Variants in AGL observed in about 807,000 individuals in gnomAD.
AGL encodes glycogen debranching enzyme.
A neutral mutation model predicts 199.3 loss-of-function variants in AGL; 128 were observed. The ratio of observed to expected loss-of-function variants is 0.64; its 90% confidence interval spans 0.56 to 0.74. The LOEUF is 0.74. Among genes scored for constraint, AGL ranks in the 30% least tolerant of loss-of-function variants. The pLI is 0.00. For synonymous variants in AGL, 584 were observed against 594.7 expected (o/e 0.98, Z 0.26); for missense variants, 1,809 against 1,820.8 (o/e 0.99, Z 0.12).
chr1:99,870,584 C>A lies in AGL; in HGVS notation c.846+3C>A, dbSNP rs1650907346. On this transcript the variant is annotated splice_donor_region_variant and intron_variant, in intron 6 of 33. Transcript: ENST00000361915. ...TTGAAAATGATCACCATATGAATGT[C>A]AGTATGTACAGAGGAGTATCACACT... 3.7e-6 allele frequency: 6 copies of A among 1,613,810 alleles called. No individual in the cohort carries two copies. The East Asian group carries it at 1.3e-4, about 36-fold the overall frequency.
intron 26 of AGL, 96 bp from the exon 27 acceptor site, chr1:99,902,587 A>G: frequency 3.0e-6 from 3 of 999,294 alleles, no homozygotes; most frequent in East Asian, 2.5e-5. Flanking sequence ...TTCAAAGGAA[A>G]GTATATATTT....
chr1:99,897,278 A>C (rs2100806846), intron 25 of AGL, among the ~76,000 whole-genome samples: 1 of 152,208 alleles, frequency 6.6e-6, no homozygotes, highest in South Asian at 2.1e-4. Flanking sequence ...CCTATGCCAA[A>C]CCTCCCAAAT....
At chr1:99,866,742 A>G (rs1650542230) in intron 5 of AGL, among the ~76,000 whole-genome samples, 1 of 152,228 alleles carries the variant, frequency 6.6e-6, no homozygotes, top group African/African-American at 2.4e-5. Flanking sequence ...AAACCTTGCC[A>G]CAGCCTTACT....
At chr1:99,908,620 C>A (rs1040947323) in intron 27 of AGL, among the ~76,000 whole-genome samples, 1 of 152,174 alleles carries the variant, frequency 6.6e-6, no homozygotes, top group Non-Finnish European at 1.5e-5. Flanking sequence ...ATCTGAGTCA[C>A]CTCAGTGTTG....
intron 12 of AGL, among the ~76,000 whole-genome samples, chr1:99,879,215 AG>A (rs1158262260): frequency 6.6e-6 from 1 of 152,236 alleles, no homozygotes; most frequent in African/African-American, 2.4e-5. Flanking sequence ...CCAACAGCTA[AG>A]TAATTCACCA....
chr1:99,893,600 T>C (rs116498753), intron 24 of AGL, among the ~76,000 whole-genome samples: 1,892 of 152,314 alleles, frequency 0.012, 47 homozygotes, highest in African/African-American at 0.043. Context: ...ACCTTTTTGA[T>C]TGTGTACTGC....
chr1:99,857,847 A>AGAGGGAGACCGGGGGGGGGGGGGGGGGGG (rs1557743553), intron 2 of AGL, among the ~76,000 whole-genome samples: 2 of 8,224 alleles, frequency 2.4e-4, no homozygotes, highest in Non-Finnish European at 2.4e-4. Context: ...GGGGAGGGGG[A>AGAGGGAGACCGGGGGGGGGGGGGGGGGGG]GGGGGGAAGA....
Position 99,922,575 on chromosome 1 carries a change from A to G in AGL, c.*924A>G, listed in dbSNP as rs1378203195. Reference sequence around the variant, plus strand: ...AAAAATATGGATATGAATTCAGTAGATATCTTAAATTCAATAAAATCACTG... The same window carrying G: ...AAAAATATGGATATGAATTCAGTAGGTATCTTAAATTCAATAAAATCACTG... On this transcript the variant is annotated 3_prime_UTR_variant, in exon 34 of 34. Transcript: ENST00000361915. 1 of 151,822 alleles carries G rather than the reference A, an allele frequency of 6.6e-6. No homozygotes were observed. The highest frequency in any genetic ancestry group is 1.5e-5 in the Non-Finnish European group (1 of 67,814). 9.4% of individuals were successfully genotyped at this position (151,822 alleles called of 1,614,324 possible). A position where few individuals can be genotyped will look rare whatever the true frequency, so the allele number is the denominator to read the frequency against.
intron 2 of AGL, among the ~76,000 whole-genome samples, chr1:99,855,106 C>T (rs2101063413): frequency 1.3e-5 from 2 of 152,098 alleles, no homozygotes; most frequent in South Asian, 2.1e-4. Context: ...GAGGCTGAGG[C>T]AGGAGAATTG....
intron 2 of AGL, chr1:99,861,288 A>G: frequency 5.0e-6 from 7 of 1,408,564 alleles, no homozygotes; most frequent in South Asian, 3.0e-5. Context: ...GACATTACAG[A>G]GCAGACAGCT....
intron 25 of AGL, among the ~76,000 whole-genome samples, chr1:99,896,990 T>C (rs557722554): frequency 1.3e-5 from 2 of 152,272 alleles, no homozygotes; most frequent in Non-Finnish European, 2.9e-5. Flanking sequence ...CTAATTTTTG[T>C]ATTTCTAGTA....
intron 20 of AGL, among the ~76,000 whole-genome samples, chr1:99,885,517 C>T (rs917970535): frequency 2.0e-5 from 3 of 152,118 alleles, no homozygotes; most frequent in Non-Finnish European, 4.4e-5. Context: ...AGGAACCAGG[C>T]CGCACAGCAG....
In AGL at chr1:99,874,677, T is replaced by C; in HGVS notation, c.959-10T>C. 1 of 1,608,150 alleles carries C rather than the reference T, an allele frequency of 6.2e-7. No homozygotes were observed. The highest frequency in any genetic ancestry group is 1.7e-5 in the Admixed American group (1 of 59,914). On this transcript the variant is annotated splice_polypyrimidine_tract_variant and intron_variant, in intron 7 of 33. Coordinates refer to ENST00000361915, the MANE Select transcript of AGL (RefSeq NM_000642.3). ...TTTGCATTTAAGGTATCGTCTTTTC[T>C]TTCTTTTAGAAAATAGGCGAGTAAC...
At chr1:99,898,029 G>C (rs373540216) in intron 25 of AGL, among the ~76,000 whole-genome samples, 1 of 151,608 alleles carries the variant, frequency 6.6e-6, no homozygotes, top group Non-Finnish European at 1.5e-5. Context: ...TATGGCCTAT[G>C]AGCAAAGAAT....
Position 99,902,889 on chromosome 1 carries a change from C to A in AGL, c.3700+95C>A, listed in dbSNP as rs958684705. On this transcript the variant is annotated intron_variant, in intron 27 of 33. Transcript: ENST00000361915. The stretch of plus-strand genomic sequence containing the variant: ...TAGTAAATATTTGTGTGCCAAACCT[C>A]ACGATATAATGATTAAAAAGATTAA... The A allele has an allele frequency of 7.6e-6, 7 of 920,320 alleles. No individual in the cohort carries two copies. The African/African-American group carries it at 9.9e-5, about 13-fold the overall frequency. 57.0% of individuals were successfully genotyped at this position (920,320 alleles called of 1,614,324 possible).
chr1:99,857,970 G>T (rs1191940881), intron 2 of AGL, among the ~76,000 whole-genome samples: 1 of 152,190 alleles, frequency 6.6e-6, no homozygotes, highest in African/African-American at 2.4e-5. Context: ...TTGTATGTCA[G>T]ATAAGTTACA....
chr1:99,900,177 G>A (rs922598138), intron 25 of AGL, among the ~76,000 whole-genome samples: 1 of 152,026 alleles, frequency 6.6e-6, no homozygotes, highest in Non-Finnish European at 1.5e-5. Context: ...TGTTCCGCCC[G>A]CCTCGGCCTC....
At position 99,881,146 on chromosome 1, in the gene AGL, C is replaced by T. The variant is rs1245600149; in HGVS notation, c.1970C>T (p.Thr657Ile). ...ATGGCATGTTGTGCTAGTGGAAGTA[C>T]AAGAGGCTATGATGAATTAGTGCCT... is the stretch of plus-strand genomic sequence containing the variant. Reference protein sequence around the residue: ...VSMACCASGSTRGYDELVPHQ... With the variant: ...VSMACCASGSIRGYDELVPHQ... The change falls in exon 15 of 34, where the codon ACA (threonine) becomes ATA (isoleucine). Residue 657 changes from threonine (T) to isoleucine (I), a missense_variant. Coordinates refer to ENST00000361915, the MANE Select transcript of AGL (RefSeq NM_000642.3). The T allele has an allele frequency of 6.2e-7, 1 of 1,613,872 alleles. No homozygotes were observed.
At position 99,869,368 on chromosome 1, in the gene AGL, CTAAA is replaced by C. The variant is rs527698067; in HGVS notation, c.665-1026_665-1023del. Among the ~76,000 whole-genome samples, 400 of 151,930 alleles carry C rather than the reference CTAAA, an allele frequency of 2.6e-3. 2 individuals are homozygous for C. The highest frequency in any genetic ancestry group is 9.1e-3 in the African/African-American group (376 of 41,298). On this transcript the variant is annotated intron_variant, in intron 5 of 33. Coordinates refer to ENST00000361915, the MANE Select transcript of AGL (RefSeq NM_000642.3). Reference sequence around the variant, plus strand: ...AAATACTAAGTAAATAAATGACTTACTAAATAAATGACTGAAACTGGAAATAATA... The same window carrying C: ...AAATACTAAGTAAATAAATGACTTACTAAATGACTGAAACTGGAAATAATA...
Sources: allele counts gnomAD v4.1 joint callset (sites outside exome capture counted in the v4.1 genomes callset), GRCh38; gene constraint gnomAD v4.1.1; transcripts MANE v1.5; gene names NCBI Gene and HGNC (gene_info 2026-07-23, HGNC 2026-07-21).